Variants in CACNA1E observed in about 807,000 individuals in gnomAD.
CACNA1E encodes the protein calcium voltage-gated channel subunit alpha1 E.
In CACNA1E, 40 loss-of-function variants were observed where a neutral mutation model predicts 259.2. The ratio of observed to expected loss-of-function variants is 0.15; its 90% CI spans 0.12 to 0.20. The LOEUF is 0.20. Ranked by LOEUF, CACNA1E falls within the 10% of genes least tolerant of loss-of-function variation. CACNA1E has a pLI of 1.00. For missense variants in CACNA1E, 1,874 were observed against 3,040.1 expected (o/e 0.62, Z 9.02); for synonymous variants, 1,104 against 1,138.5 (o/e 0.97, Z 0.61).
intron 3 of CACNA1E, among the ~76,000 whole-genome samples, chr1:181,515,152 C>T (rs148794519): frequency 2.0e-5 from 3 of 151,962 alleles, no homozygotes; most frequent in East Asian, 2.0e-4. Flanking sequence ...CTTTAGTCCC[C>T]GTGAGGCAGT....
At chr1:181,701,816 A>G (rs1652288163) in intron 7 of CACNA1E, among the ~76,000 whole-genome samples, 1 of 152,264 alleles carries the variant, frequency 6.6e-6, no homozygotes, top group African/African-American at 2.4e-5. Flanking sequence ...TGAAGCAGTT[A>G]TAATGAAATA....
intron 2 of CACNA1E, among the ~76,000 whole-genome samples, chr1:181,420,934 A>G (rs1344208025): frequency 6.6e-6 from 1 of 152,120 alleles, no homozygotes; most frequent in Non-Finnish European, 1.5e-5. Context: ...TCTGCTCCCC[A>G]TTGTGTCTCC....
chr1:181,483,756 C>G lies in CACNA1E; in HGVS notation c.12C>G (p.Phe4Leu). The G allele has an allele frequency of 1.2e-6, 2 of 1,608,680 alleles. No homozygotes were observed. Among genetic ancestry groups the G allele is most frequent in the Non-Finnish European group, 1.7e-6 (2 of 1,177,688 alleles). ...GTTTAAACCTCAGGATGGCTCGCTTCGGGGAGGCGGTGGTCGCCAGGCCAG... is the reference window on the plus strand; with the variant it reads ...GTTTAAACCTCAGGATGGCTCGCTTGGGGGAGGCGGTGGTCGCCAGGCCAG... MARFGEAVVARPGS... is the reference protein window; with the variant it reads MARLGEAVVARPGS... Residue 4 changes from phenylalanine (F) to leucine (L), a missense_variant, in exon 1 of 48, where the codon TTC (phenylalanine) becomes TTG (leucine). This residue lies in a region of CACNA1E where 110 missense variants were observed against 122.8 expected (regional missense o/e 0.90). Coordinates refer to ENST00000367573, the MANE Select transcript of CACNA1E (RefSeq NM_001205293.3).
At chr1:181,755,543 CT>C in intron 28 of CACNA1E, 146 bp downstream of exon 28, 1 of 689,356 alleles carries the variant, frequency 1.5e-6, no homozygotes, top group East Asian at 2.6e-5. Context: ...AATCAATAAA[CT>C]TTTTACTGAG....
chr1:181,686,253 C>G (rs529375136), intron 7 of CACNA1E, among the ~76,000 whole-genome samples: 11 of 141,304 alleles, frequency 7.8e-5, no homozygotes, highest in African/African-American at 2.6e-4. Context: ...ATTACAGAGG[C>G]TTGGAGGCCA....
At chr1:181,727,515 G>A (rs1655022427) in intron 18 of CACNA1E, among the ~76,000 whole-genome samples, 1 of 152,246 alleles carries the variant, frequency 6.6e-6, no homozygotes, top group South Asian at 2.1e-4. Flanking sequence ...AGTGGACTAG[G>A]GAGAGAACAG....
At chr1:181,688,345 A>C (rs2877712) in intron 7 of CACNA1E, among the ~76,000 whole-genome samples, 1 of 152,092 alleles carries the variant, frequency 6.6e-6, no homozygotes, top group Non-Finnish European at 1.5e-5. Flanking sequence ...TTCGCTGCTG[A>C]GCAGAATTCT....
intron 43 of CACNA1E, among the ~76,000 whole-genome samples, chr1:181,788,308 T>C (rs745637488): frequency 6.6e-6 from 1 of 152,180 alleles, no homozygotes; most frequent in Non-Finnish European, 1.5e-5. Flanking sequence ...AGCAGGCTGG[T>C]TCCTCAGAAC....
chr1:181,671,625 T>A (rs561838293), intron 7 of CACNA1E, among the ~76,000 whole-genome samples: 1 of 152,250 alleles, frequency 6.6e-6, no homozygotes, highest in East Asian at 1.9e-4. Flanking sequence ...TCACCTGACA[T>A]AACGGCTCCC....
intron 22 of CACNA1E, 98 bp downstream of exon 22, chr1:181,736,532 C>A: frequency 2.6e-6 from 3 of 1,142,500 alleles, no homozygotes; most frequent in Non-Finnish European, 2.5e-6. Context: ...GGGGGCCCAG[C>A]CATCTTCTTA....
intron 46 of CACNA1E, 94 bp downstream of exon 46, chr1:181,795,138 A>G (rs1043445487): frequency 1.9e-6 from 2 of 1,064,246 alleles, no homozygotes. Context: ...ACCAGAAAAG[A>G]ATTCAGAGAC....
intron 17 of CACNA1E, among the ~76,000 whole-genome samples, chr1:181,725,415 C>A (rs1407570582): frequency 2.0e-5 from 3 of 152,206 alleles, no homozygotes; most frequent in Admixed American, 6.5e-5. Flanking sequence ...CATTGTGTAC[C>A]TTACAGGATT....
At chr1:181,342,765 G>A (rs1413543721) in intron 1 of CACNA1E, among the ~76,000 whole-genome samples, 3 of 152,186 alleles carry the variant, frequency 2.0e-5, no homozygotes, top group African/African-American at 7.2e-5. Flanking sequence ...AGAGAAAGAG[G>A]ACCACTGATA....
At chr1:181,402,252 A>C (rs1420211037) in intron 1 of CACNA1E, among the ~76,000 whole-genome samples, 1 of 152,176 alleles carries the variant, frequency 6.6e-6, no homozygotes, top group Non-Finnish European at 1.5e-5. Flanking sequence ...ATTTTGTAGA[A>C]TATTATGGTG....
chr1:181,761,926 A>T (rs1293879795), intron 32 of CACNA1E, among the ~76,000 whole-genome samples: 2 of 152,206 alleles, frequency 1.3e-5, no homozygotes, highest in Non-Finnish European at 2.9e-5. Context: ...TCCTCAAAAG[A>T]TGTAACAGCA....
intron 1 of CACNA1E, among the ~76,000 whole-genome samples, chr1:181,332,889 G>A (rs1039506278): frequency 2.6e-5 from 4 of 152,254 alleles, no homozygotes; most frequent in Admixed American, 2.0e-4. Flanking sequence ...TGTAGCCTGG[G>A]TGGATCACCC....
intron 1 of CACNA1E, among the ~76,000 whole-genome samples, chr1:181,504,254 C>T (rs111879071): frequency 2.5e-3 from 378 of 152,158 alleles, no homozygotes; most frequent in South Asian, 6.8e-3. Flanking sequence ...GGAATGCCTC[C>T]CCTCAGACTG....
intron 6 of CACNA1E, among the ~76,000 whole-genome samples, chr1:181,595,705 C>T (rs562186230): frequency 6.6e-6 from 1 of 152,116 alleles, no homozygotes; most frequent in Non-Finnish European, 1.5e-5. Flanking sequence ...GATAACACTC[C>T]CCACAGGCGA....
At chr1:181,559,408 T>C (rs1649081240) in intron 3 of CACNA1E, among the ~76,000 whole-genome samples, 1 of 152,114 alleles carries the variant, frequency 6.6e-6, no homozygotes, top group Non-Finnish European at 1.5e-5. Context: ...CAAGTGATAG[T>C]TGGGCACTTC....
Sources: allele counts gnomAD v4.1 joint callset (sites outside exome capture counted in the v4.1 genomes callset), GRCh38; gene constraint gnomAD v4.1.1; regional missense constraint gnomAD v4.1.1; transcripts MANE v1.5; gene names NCBI Gene and HGNC (gene_info 2026-07-23, HGNC 2026-07-21).